The following KLHL18 variants were observed in gnomAD, a reference collection of about 807,000 sequenced individuals.
KLHL18 encodes kelch like family member 18, also known as kelch-like protein 18.
In KLHL18, 38 loss-of-function variants were observed where a neutral mutation model predicts 58.5. The observed-to-expected ratio is 0.65, with a 90% confidence interval of 0.50 to 0.85. The LOEUF (loss-of-function observed/expected upper bound fraction) is 0.85, where lower values mean the gene tolerates loss of function less well. KLHL18 is among the 40% of genes least tolerant of loss of function. The pLI is 0.00. For missense variants in KLHL18, 624 were observed against 778.4 expected (o/e 0.80, Z 2.36); for synonymous variants, 303 against 301.9 (o/e 1.00, Z -0.04).
At chr3:47,302,988 A>G (rs1018865010) in intron 1 of KLHL18, among the ~76,000 whole-genome samples, 26 of 152,210 alleles carry the variant, frequency 1.7e-4, no homozygotes, top group African/African-American at 6.0e-4. Flanking sequence ...TTCCTCAGGT[A>G]TAGTATCAAT....
intron 1 of KLHL18, among the ~76,000 whole-genome samples, chr3:47,291,542 A>G (rs913531701): frequency 3.3e-5 from 5 of 152,238 alleles, no homozygotes; most frequent in African/African-American, 1.2e-4. Flanking sequence ...CTCTGATGCT[A>G]TAGTGCAAAA....
chr3:47,322,950 A>G (rs1404243407), intron 3 of KLHL18, among the ~76,000 whole-genome samples: 1 of 152,092 alleles, frequency 6.6e-6, no homozygotes, highest in Non-Finnish European at 1.5e-5. Flanking sequence ...TGACATGTAC[A>G]TCTTCTGTTC....
chr3:47,335,569 G>T (rs1241463496), intron 6 of KLHL18, among the ~76,000 whole-genome samples: 5 of 152,084 alleles, frequency 3.3e-5, no homozygotes, highest in African/African-American at 1.2e-4. Context: ...GTGCAGTGGC[G>T]CAATCTCAGC....
chr3:47,330,033 T>C lies in KLHL18; in HGVS notation c.484T>C (p.Phe162Leu). Residue 162 changes from phenylalanine to leucine, a missense_variant, in exon 4 of 10, where the codon TTC (phenylalanine) becomes CTC (leucine). Physicochemically the swap from Phe to Leu is conservative, Grantham distance 22. Coordinates refer to ENST00000232766, the MANE Select transcript of KLHL18 (RefSeq NM_025010.5). ...CAVLYDAANS[F>L]IHQHFVEVSM... ...TGTGCTGTACGACGCTGCCAACAGC[T>C]TCATCCACCAGCACTTTGTGGAGGT... is the stretch of plus-strand genomic sequence containing the variant. The C allele has an allele frequency of 1.2e-6, 2 of 1,614,178 alleles. No individual in the cohort carries two copies. The highest frequency in any genetic ancestry group is 1.7e-6 in the Non-Finnish European group (2 of 1,180,028).
intron 1 of KLHL18, among the ~76,000 whole-genome samples, chr3:47,298,213 C>G (rs1199842552): frequency 1.3e-5 from 2 of 151,884 alleles, no homozygotes; most frequent in African/African-American, 4.8e-5. Context: ...GACCCCATCT[C>G]TACCAAAAAT....
In KLHL18 at chr3:47,333,573, T is replaced by C. The variant is rs148380477; in HGVS notation, c.761+256T>C. ...TTTCCCCTGCTGAGTTATCTGAGGA[T>C]TTTCCAGCATCTTTCCCCACTGAGC... On this transcript the variant is annotated intron_variant, in intron 5 of 9. Coordinates refer to ENST00000232766, the MANE Select transcript of KLHL18 (RefSeq NM_025010.5). 6.6e-5 allele frequency among the ~76,000 whole-genome samples: 10 copies of C among 152,318 alleles called. No individual in the cohort carries two copies. The East Asian group carries it at 1.9e-3, about 29-fold the overall frequency.
intron 7 of KLHL18, among the ~76,000 whole-genome samples, chr3:47,339,385 G>A (rs938065842): frequency 3.9e-5 from 6 of 151,910 alleles, no homozygotes; most frequent in Admixed American, 2.6e-4. Flanking sequence ...CCAGCTACTG[G>A]GGAGTCTGAG....
At chr3:47,322,857 C>T in intron 3 of KLHL18, 149 bp downstream of exon 3, 4 of 644,620 alleles carry the variant, frequency 6.2e-6, no homozygotes, top group Non-Finnish European at 9.1e-6. Context: ...TTCTTGAAAT[C>T]AGTTTGTAGC....
intron 3 of KLHL18, among the ~76,000 whole-genome samples, chr3:47,328,605 G>T (rs974927980): frequency 2.8e-4 from 43 of 152,064 alleles, no homozygotes; most frequent in Admixed American, 2.0e-4. Flanking sequence ...GCTACCGTGG[G>T]AATGTGCACA....
intron 1 of KLHL18, among the ~76,000 whole-genome samples, chr3:47,292,295 T>G (rs1702805564): frequency 4.0e-5 from 6 of 151,356 alleles, no homozygotes; most frequent in Admixed American, 4.0e-4. Flanking sequence ...ACCAACATGG[T>G]GAAACCCCAT....
intron 6 of KLHL18, 135 bp from the exon 7 acceptor site, chr3:47,336,399 GC>G (rs1703985044): frequency 1.4e-6 from 1 of 730,138 alleles, no homozygotes; most frequent in East Asian, 2.7e-5. Flanking sequence ...TTCTTAGTGG[GC>G]CCTTGTGCCT....
intron 4 of KLHL18, among the ~76,000 whole-genome samples, chr3:47,332,715 A>ATC (rs1703893101): frequency 6.6e-6 from 1 of 151,988 alleles, no homozygotes; most frequent in African/African-American, 2.4e-5. Context: ...GAGAACATGG[A>ATC]TCTAGAGCCA....
chr3:47,288,322 T>C (rs1702721161), intron 1 of KLHL18, among the ~76,000 whole-genome samples: 1 of 152,020 alleles, frequency 6.6e-6, no homozygotes, highest in Non-Finnish European at 1.5e-5. Context: ...GGAAGGGACT[T>C]ACTCAAGGTC....
rs181865903 is a variant in KLHL18, at chr3:47,328,835, A to G, written c.402-1116A>G. ...GCTGTTGTTTCTGCTTGTCTGAACA[A>G]TTAGGCCCGTGGAGTCTCTTTCTAT... On this transcript the variant is annotated intron_variant, in intron 3 of 9. Coordinates refer to ENST00000232766, the MANE Select transcript of KLHL18 (RefSeq NM_025010.5). Among the ~76,000 whole-genome samples, 3 of 152,174 alleles carry G rather than the reference A, an allele frequency of 2.0e-5. No individual in the cohort carries two copies. The East Asian group carries it at 5.8e-4, about 29-fold the overall frequency.
At chr3:47,290,965 AAG>A (rs1172196761) in intron 1 of KLHL18, among the ~76,000 whole-genome samples, 4 of 152,224 alleles carry the variant, frequency 2.6e-5, no homozygotes, top group Admixed American at 6.5e-5. Flanking sequence ...TGGGTGGGGA[AAG>A]AGAGTTGGAG....
chr3:47,339,902 G>A (rs1482859438), intron 7 of KLHL18, among the ~76,000 whole-genome samples: 1 of 152,040 alleles, frequency 6.6e-6, no homozygotes, highest in Non-Finnish European at 1.5e-5. Context: ...AAAAAAATTA[G>A]CTGGGTGTGG....
At chr3:47,310,029 T>C (rs996764815) in intron 1 of KLHL18, among the ~76,000 whole-genome samples, 2 of 152,072 alleles carry the variant, frequency 1.3e-5, no homozygotes, top group Admixed American at 1.3e-4. Flanking sequence ...CTTAATGCCT[T>C]ATGTATATTC....
Position 47,343,762 on chromosome 3 carries a change from C to T in KLHL18, c.1546C>T (p.Arg516Trp), listed in dbSNP as rs1704165230. The T allele has an allele frequency of 3.1e-6, 5 of 1,614,100 alleles. No individual in the cohort carries two copies. The highest frequency in any genetic ancestry group is 1.3e-5 in the African/African-American group (1 of 74,944). Residue 516 changes from arginine (R) to tryptophan (W), a missense_variant, in exon 10 of 10, where the codon CGG becomes TGG. Physicochemically the swap from Arg to Trp is moderately radical, Grantham distance 101 (BLOSUM62 -3). Transcript: ENST00000232766. Reference protein sequence around the residue: ...LIVPMHTRRSRVSLVASCGRL... With the variant: ...LIVPMHTRRSWVSLVASCGRL... ...TGTCCCCATGCACACGCGCAGGAGC[C>T]GGGTCTCCCTGGTGGCCAGCTGTGG...
chr3:47,332,945 C>G (rs1194241927), intron 4 of KLHL18, among the ~76,000 whole-genome samples: 1 of 152,056 alleles, frequency 6.6e-6, no homozygotes, highest in African/African-American at 2.4e-5. Flanking sequence ...TGATTTTTCA[C>G]TAGGAAATCA....
Sources: gnomAD v4.1 joint callset for allele counts (sites outside exome capture counted in the v4.1 genomes callset) on GRCh38, gnomAD v4.1.1 for gene constraint, MANE v1.5 for transcripts, NCBI Gene and HGNC (gene_info 2026-07-23, HGNC 2026-07-21) for gene names.